The following EXOC4 variants were observed in gnomAD, a reference collection of about 807,000 sequenced individuals.
EXOC4 encodes the protein exocyst complex component 4.
EXOC4 carries 71 observed loss-of-function variants against 107.2 expected under a neutral mutation model. The ratio of observed to expected loss-of-function variants is 0.66; its 90% CI spans 0.55 to 0.81. EXOC4 has a LOEUF of 0.81. Among genes scored for constraint, EXOC4 ranks in the 30% least tolerant of loss-of-function variants. The pLI, the probability that EXOC4 is intolerant of heterozygous loss-of-function variation, is 0.00. For missense variants in EXOC4, 1,108 were observed against 1,189.6 expected, an observed-to-expected ratio of 0.93 and a Z score of 1.01; for synonymous variants, 456 against 441.2, an observed-to-expected ratio of 1.03 and a Z score of -0.42.
intron 1 of EXOC4, among the ~76,000 whole-genome samples, chr7:133,258,058 C>T (rs1275501088): frequency 6.6e-6 from 1 of 152,156 alleles, no homozygotes; most frequent in Non-Finnish European, 1.5e-5. Flanking sequence ...TTCATTTGAG[C>T]CCATCACATA....
At chr7:133,597,802 G>A (rs1211952764) in intron 9 of EXOC4, among the ~76,000 whole-genome samples, 1 of 151,992 alleles carries the variant, frequency 6.6e-6, no homozygotes, top group Non-Finnish European at 1.5e-5. Flanking sequence ...TCTGAGGCCA[G>A]GAGTTCGAGA....
At chr7:133,885,862 T>C (rs1799074792) in intron 11 of EXOC4, among the ~76,000 whole-genome samples, 1 of 151,608 alleles carries the variant, frequency 6.6e-6, no homozygotes, top group Non-Finnish European at 1.5e-5. Flanking sequence ...AAAATAACAA[T>C]AATAATAATT....
chr7:133,630,155 T>A lies in EXOC4; in HGVS notation c.1514+14T>A. The A allele has an allele frequency of 6.4e-7, 1 of 1,562,776 alleles. No individual in the cohort carries two copies. The highest frequency in any genetic ancestry group is 8.8e-7 in the Non-Finnish European group (1 of 1,133,518). The stretch of plus-strand genomic sequence containing the variant: ...CCCATTACTAAGGTAAGTCAAGTGC[T>A]ATGATATACTTACTGAAGATCAATA... On this transcript the variant is annotated intron_variant, in intron 10 of 17. Coordinates refer to ENST00000253861, the MANE Select transcript of EXOC4 (RefSeq NM_021807.4).
At chr7:133,274,249 T>C (rs1233233233) in intron 1 of EXOC4, among the ~76,000 whole-genome samples, 1 of 152,218 alleles carries the variant, frequency 6.6e-6, no homozygotes, top group Non-Finnish European at 1.5e-5. Context: ...ATTTCCAGAC[T>C]GCTGGGGGCT....
At chr7:133,411,769 C>T (rs1438996670) in intron 7 of EXOC4, among the ~76,000 whole-genome samples, 1 of 152,042 alleles carries the variant, frequency 6.6e-6, no homozygotes, top group Non-Finnish European at 1.5e-5. Context: ...GAAGGCATCT[C>T]CAGGTGCAAA....
At chr7:133,767,677 G>T (rs753564305) in intron 10 of EXOC4, among the ~76,000 whole-genome samples, 2 of 151,978 alleles carry the variant, frequency 1.3e-5, no homozygotes, top group Non-Finnish European at 2.9e-5. Flanking sequence ...AGAGAAAGGG[G>T]TAACTGCTGT....
In EXOC4 at chr7:133,825,197, A is replaced by G. The variant is rs546623611; in HGVS notation, c.1734+7653A>G. Among the ~76,000 whole-genome samples, 3 of 151,216 alleles carry G rather than the reference A, an allele frequency of 2.0e-5. No individual in the cohort carries two copies. The East Asian group carries it at 5.8e-4, about 29-fold the overall frequency. ...AGCAACTGTCTCTAAAAAAAAAAAAAGAAAGAAAGAAAAAAAGCCAGGTTT... is the reference window on the plus strand; with the variant it reads ...AGCAACTGTCTCTAAAAAAAAAAAAGGAAAGAAAGAAAAAAAGCCAGGTTT... On this transcript the variant is annotated intron_variant, in intron 11 of 17. Transcript: ENST00000253861.
At chr7:133,423,625 G>A (rs1436128696) in intron 7 of EXOC4, among the ~76,000 whole-genome samples, 2 of 152,226 alleles carry the variant, frequency 1.3e-5, no homozygotes, top group East Asian at 1.9e-4. Context: ...AGTGAGAGGT[G>A]ACAACGTGCT....
At chr7:133,519,242 T>A (rs577464995) in intron 9 of EXOC4, among the ~76,000 whole-genome samples, 1 of 152,102 alleles carries the variant, frequency 6.6e-6, no homozygotes, top group African/African-American at 2.4e-5. Context: ...TAGCAAACCC[T>A]TGTCTCTATA....
chr7:133,638,914 A>G (rs535308147), intron 10 of EXOC4, among the ~76,000 whole-genome samples: 1 of 152,300 alleles, frequency 6.6e-6, no homozygotes, highest in Non-Finnish European at 1.5e-5. Flanking sequence ...AGCAGCTTAT[A>G]TATAAAAGAC....
intron 10 of EXOC4, among the ~76,000 whole-genome samples, chr7:133,787,087 A>C (rs988649157): frequency 3.9e-5 from 6 of 152,184 alleles, no homozygotes; most frequent in African/African-American, 1.4e-4. Context: ...CATGAATAAC[A>C]ACAATAATGA....
chr7:133,659,810 A>T (rs778439619), intron 10 of EXOC4, among the ~76,000 whole-genome samples: 44 of 152,184 alleles, frequency 2.9e-4, no homozygotes, highest in Non-Finnish European at 5.1e-4. Context: ...TTTCCATTAC[A>T]TACACAGATT....
At chr7:133,818,713 A>G (rs1033270687) in intron 11 of EXOC4, among the ~76,000 whole-genome samples, 2 of 152,058 alleles carry the variant, frequency 1.3e-5, no homozygotes, top group Admixed American at 6.5e-5. Context: ...GGCTCTTTGC[A>G]TGGCTGGGGT....
intron 9 of EXOC4, among the ~76,000 whole-genome samples, chr7:133,600,707 T>C (rs1801786198): frequency 6.6e-6 from 1 of 152,106 alleles, no homozygotes. Flanking sequence ...CAGAAGAAAA[T>C]AAGCTTTACA....
intron 7 of EXOC4, among the ~76,000 whole-genome samples, chr7:133,443,770 A>G (rs1798156790): frequency 6.6e-6 from 1 of 152,168 alleles, no homozygotes; most frequent in Admixed American, 6.5e-5. Flanking sequence ...TCAAAGTTAT[A>G]TTCCCAGAAA....
intron 9 of EXOC4, among the ~76,000 whole-genome samples, chr7:133,596,577 C>T (rs534733214): frequency 1.1e-4 from 17 of 152,252 alleles, no homozygotes; most frequent in African/African-American, 3.9e-4. Flanking sequence ...TGTGGCTCCC[C>T]CATAAGTGCA....
chr7:133,520,658 T>C (rs1335083011), intron 9 of EXOC4, among the ~76,000 whole-genome samples: 2 of 152,132 alleles, frequency 1.3e-5, no homozygotes, highest in Non-Finnish European at 2.9e-5. Context: ...TTTATATGAA[T>C]CAATTACAGG....
At chr7:133,698,206 C>G (rs377530604) in intron 10 of EXOC4, among the ~76,000 whole-genome samples, 4 of 150,668 alleles carry the variant, frequency 2.7e-5, no homozygotes, top group Non-Finnish European at 5.9e-5. Flanking sequence ...CTTTCCGCGG[C>G]GGGGGTGGTG....
chr7:133,767,229 A>C (rs1796157381), intron 10 of EXOC4, among the ~76,000 whole-genome samples: 1 of 151,878 alleles, frequency 6.6e-6, no homozygotes, highest in African/African-American at 2.4e-5. Flanking sequence ...CTTTTCTATC[A>C]CAAGAGCTGG....
Sources: allele counts gnomAD v4.1 joint callset (sites outside exome capture counted in the v4.1 genomes callset), GRCh38; gene constraint gnomAD v4.1.1; transcripts MANE v1.5; gene names NCBI Gene and HGNC (gene_info 2026-07-23, HGNC 2026-07-21).